Variants in KCMF1 observed in about 807,000 individuals in gnomAD.
The protein encoded by KCMF1 is potassium channel modulatory factor 1.
In KCMF1, 3 loss-of-function variants were observed where a neutral mutation model predicts 41.1. The ratio of observed to expected loss-of-function variants is 0.07; its 90% CI spans 0.03 to 0.19. The LOEUF (loss-of-function observed/expected upper bound fraction) is 0.19, where lower values mean the gene tolerates loss of function less well. Ranked by LOEUF, KCMF1 falls within the 10% of genes least tolerant of loss-of-function variation. The probability of loss-of-function intolerance (pLI) is 1.00; values close to 1 mark genes in which losing one functional copy is unlikely to be tolerated. For missense variants in KCMF1, 286 were observed against 488.9 expected (o/e 0.58, Z 3.91); for synonymous variants, 142 against 164.5 (o/e 0.86, Z 1.04).
chr2:84,999,648 TGGGTAGATAC>T (rs1224173525), intron 1 of KCMF1, among the ~76,000 whole-genome samples: 1 of 152,220 alleles, frequency 6.6e-6, no homozygotes, highest in Admixed American at 6.5e-5. Flanking sequence ...TTTATAGATA[TGGGTAGATAC>T]CAGAATGAAA....
chr2:84,983,724 T>C (rs1298010506), intron 1 of KCMF1, among the ~76,000 whole-genome samples: 1 of 152,206 alleles, frequency 6.6e-6, no homozygotes, highest in Non-Finnish European at 1.5e-5. Flanking sequence ...TTGGCCAGGC[T>C]GGTCTTGAAC....
At chr2:85,033,151 A>G (rs1282875564) in intron 2 of KCMF1, among the ~76,000 whole-genome samples, 1 of 152,208 alleles carries the variant, frequency 6.6e-6, no homozygotes, top group Non-Finnish European at 1.5e-5. Flanking sequence ...ATAAATGGTC[A>G]ATATATACAT....
intron 1 of KCMF1, among the ~76,000 whole-genome samples, chr2:84,976,045 A>G (rs1673535274): frequency 6.6e-6 from 1 of 152,132 alleles, no homozygotes; most frequent in Non-Finnish European, 1.5e-5. Flanking sequence ...AGGAAGATGC[A>G]TTTTTTACGT....
At chr2:84,989,434 A>G (rs1315290189) in intron 1 of KCMF1, among the ~76,000 whole-genome samples, 2 of 152,190 alleles carry the variant, frequency 1.3e-5, no homozygotes, top group Non-Finnish European at 2.9e-5. Flanking sequence ...AGCTTTGTCA[A>G]GAGGGTAGGG....
intron 1 of KCMF1, among the ~76,000 whole-genome samples, chr2:85,008,356 T>TATATAATATGATATATA (rs1558573591): frequency 6.6e-5 from 4 of 60,970 alleles, no homozygotes; most frequent in South Asian, 5.3e-4. Flanking sequence ...TAATATATAA[T>TATATAATATGATATATA]ATATATTATA....
Position 85,014,726 on chromosome 2 carries a change from T to TGC in KCMF1, c.17-13162_17-13161insCG, listed in dbSNP as rs1553380032. On this transcript the variant is annotated intron_variant, in intron 1 of 6. Transcript: ENST00000409785. ...GCGCGCGCGTGCGTGCGTGCGTGCG[T>TGC]GTGTGTGTGTGTGTGTGTGTGTTTT... Among the ~76,000 whole-genome samples, 289 of 117,148 alleles carry TGC rather than the reference T, an allele frequency of 2.5e-3. 1 individual carries two copies. The highest frequency in any genetic ancestry group is 8.2e-3 in the African/African-American group (226 of 27,466). The allele number at this position is 117,148 out of a possible 152,430, so 76.9% of individuals were successfully genotyped here.
chr2:85,049,079 G>T (rs186187115), intron 5 of KCMF1, among the ~76,000 whole-genome samples: 1 of 152,224 alleles, frequency 6.6e-6, no homozygotes, highest in African/African-American at 2.4e-5. Flanking sequence ...CTAAGAGAAA[G>T]CTTCACTAAA....
At chr2:85,008,255 T>A (rs866909150) in intron 1 of KCMF1, among the ~76,000 whole-genome samples, 23 of 64,020 alleles carry the variant, frequency 3.6e-4, no homozygotes, top group African/African-American at 8.9e-4. Flanking sequence ...ATGATATATA[T>A]TATATATCAT....
At chr2:84,978,123 G>A (rs776578278) in intron 1 of KCMF1, among the ~76,000 whole-genome samples, 11 of 151,544 alleles carry the variant, frequency 7.3e-5, no homozygotes, top group South Asian at 4.2e-4. Flanking sequence ...TCAGCCTCTC[G>A]AGTAGCTAGG....
At chr2:85,018,795 A>ATTTTTTTT (rs34627507) in intron 1 of KCMF1, among the ~76,000 whole-genome samples, 8 of 73,696 alleles carry the variant, frequency 1.1e-4, no homozygotes, top group Admixed American at 3.2e-4. Context: ...CAGAACTTTG[A>ATTTTTTTT]TTTTTTTTTT....
chr2:85,030,421 C>T (rs142270540), intron 2 of KCMF1, among the ~76,000 whole-genome samples: 164 of 151,850 alleles, frequency 1.1e-3, no homozygotes, highest in African/African-American at 3.6e-3. Context: ...TTCAAAGTCA[C>T]GAAGATTTAA....
chr2:85,041,532 T>C (rs1217538348), intron 3 of KCMF1, among the ~76,000 whole-genome samples: 1 of 152,218 alleles, frequency 6.6e-6, no homozygotes, highest in Non-Finnish European at 1.5e-5. Context: ...AAGTTGTTTA[T>C]AGATTTTACC....
At position 85,053,523 on chromosome 2, in the gene KCMF1, C is replaced by A; in HGVS notation, c.*114C>A. ...AATTTCAGGTCTGTCACTCTTGTTA[C>A]ATTGTGTACATTCAAAAGGAAGAGA... On this transcript the variant is annotated 3_prime_UTR_variant, in exon 7 of 7. Transcript: ENST00000409785. The A allele has an allele frequency of 9.9e-7, 1 of 1,012,540 alleles. No homozygotes were observed. The highest frequency in any genetic ancestry group is 1.4e-6 in the Non-Finnish European group (1 of 701,022). The allele number at this position is 1,012,540 out of a possible 1,614,324, so 62.7% of individuals were successfully genotyped here. A position where few individuals can be genotyped will look rare whatever the true frequency, so the allele number is the denominator to read the frequency against.
chr2:85,032,363 ATTTTAT>A (rs1182377725), intron 2 of KCMF1, among the ~76,000 whole-genome samples: 1 of 143,228 alleles, frequency 7.0e-6, no homozygotes, highest in African/African-American at 2.7e-5. Flanking sequence ...TTTTTATTTT[ATTTTAT>A]TTTTATTTTA....
chr2:84,971,446 A>G lies in KCMF1; in HGVS notation c.-6A>G. Reference sequence around the variant, plus strand: ...GAGGGGCCGCGCCGCCACCGTCTGAACTAGGATGTCCCGACATGAAGGTGA... The same window carrying G: ...GAGGGGCCGCGCCGCCACCGTCTGAGCTAGGATGTCCCGACATGAAGGTGA... On this transcript the variant is annotated 5_prime_UTR_variant, in exon 1 of 7. Coordinates refer to ENST00000409785, the MANE Select transcript of KCMF1 (RefSeq NM_020122.5). 1.6e-6 allele frequency: 2 copies of G among 1,281,162 alleles called. No individual in the cohort carries two copies. Among genetic ancestry groups the G allele is most frequent in the East Asian group, 4.2e-5 (1 of 23,706 alleles). The allele number at this position is 1,281,162 out of a possible 1,614,324, so 79.4% of individuals were successfully genotyped here.
intron 1 of KCMF1, among the ~76,000 whole-genome samples, chr2:84,996,955 G>C (rs1674192439): frequency 6.6e-6 from 1 of 152,150 alleles, no homozygotes; most frequent in Non-Finnish European, 1.5e-5. Context: ...GCCAGGCTAA[G>C]CTATTGCTCC....
intron 1 of KCMF1, among the ~76,000 whole-genome samples, chr2:84,999,959 C>T (rs1182071877): frequency 6.6e-6 from 1 of 150,862 alleles, no homozygotes; most frequent in Non-Finnish European, 1.5e-5. Context: ...CCTTAATAGG[C>T]AATGAGTAAT....
rs536038589 is a variant in KCMF1 at position 85,032,297 on chromosome 2, A to G, written c.185-2719A>G. Among the ~76,000 whole-genome samples, 19 of 151,248 alleles carry G rather than the reference A, an allele frequency of 1.3e-4. No individual in the cohort carries two copies. In the South Asian group the frequency reaches 4.0e-3, roughly 32 times the overall value. ...AGCGATTCTCCTGCCTCAGCCTCCC[A>G]AGTAGCTGAGATCACAGGCATGCAC... On this transcript the variant is annotated intron_variant, in intron 2 of 6. Coordinates refer to ENST00000409785, the MANE Select transcript of KCMF1 (RefSeq NM_020122.5).
intron 1 of KCMF1, among the ~76,000 whole-genome samples, chr2:85,027,216 A>G (rs1675129116): frequency 1.3e-5 from 2 of 152,088 alleles, no homozygotes; most frequent in Middle Eastern, 3.4e-3. Flanking sequence ...TCCCACCTTC[A>G]CTAGGCCTTT....
Sources: allele counts gnomAD v4.1 joint callset (sites outside exome capture counted in the v4.1 genomes callset), GRCh38; gene constraint gnomAD v4.1.1; transcripts MANE v1.5; gene names NCBI Gene and HGNC (gene_info 2026-07-23, HGNC 2026-07-21).